The following SPOPL variants were observed in gnomAD, a reference collection of about 807,000 sequenced individuals.
The protein encoded by SPOPL is speckle type BTB/POZ protein like.
In SPOPL, 23 loss-of-function variants were observed where a neutral mutation model predicts 53.8. That is an observed-to-expected ratio of 0.43 (90% confidence interval 0.31 to 0.61). The LOEUF (loss-of-function observed/expected upper bound fraction) is 0.61, where lower values mean the gene tolerates loss of function less well. Among genes scored for constraint, SPOPL ranks in the 20% least tolerant of loss-of-function variants. The pLI is 0.12. For missense variants in SPOPL, 442 were observed against 466.9 expected, an observed-to-expected ratio of 0.95 and a Z score of 0.49; for synonymous variants, 164 against 149.7, an observed-to-expected ratio of 1.10 and a Z score of -0.70.
chr2:138,535,619 C>T (rs1573887053), intron 1 of SPOPL, among the ~76,000 whole-genome samples: 3 of 87,694 alleles, frequency 3.4e-5, no homozygotes, highest in African/African-American at 1.4e-4. Context: ...TTGTGGGTTT[C>T]TTTGCATTTA....
At chr2:138,526,322 T>C (rs925812977) in intron 1 of SPOPL, among the ~76,000 whole-genome samples, 2 of 152,158 alleles carry the variant, frequency 1.3e-5, no homozygotes, top group African/African-American at 4.8e-5. Context: ...TGTTTCCTAC[T>C]TTTCCTCTAA....
At chr2:138,533,401 T>C (rs2104875619) in intron 1 of SPOPL, among the ~76,000 whole-genome samples, 1 of 152,300 alleles carries the variant, frequency 6.6e-6, no homozygotes, top group East Asian at 1.9e-4. Context: ...TATTATCATA[T>C]TCAAAATATC....
At chr2:138,521,524 A>G (rs1270384506) in intron 1 of SPOPL, among the ~76,000 whole-genome samples, 1 of 152,170 alleles carries the variant, frequency 6.6e-6, no homozygotes, top group Non-Finnish European at 1.5e-5. Context: ...TATTGTGTAC[A>G]CAGGGGTTCA....
chr2:138,517,180 A>G (rs1684456722), intron 1 of SPOPL, among the ~76,000 whole-genome samples: 1 of 152,234 alleles, frequency 6.6e-6, no homozygotes, highest in Admixed American at 6.5e-5. Context: ...ATAATTTTTT[A>G]CATAAATAGG....
chr2:138,539,323 A>C (rs1181769265), intron 1 of SPOPL, among the ~76,000 whole-genome samples: 1 of 152,184 alleles, frequency 6.6e-6, no homozygotes, highest in African/African-American at 2.4e-5. Flanking sequence ...AGGAATCGCC[A>C]CACTGACTTC....
chr2:138,507,343 C>G (rs1558859328), intron 1 of SPOPL, among the ~76,000 whole-genome samples: 2 of 152,130 alleles, frequency 1.3e-5, no homozygotes, highest in African/African-American at 4.8e-5. Flanking sequence ...TAAATACTCA[C>G]TATTTATCAG....
At chr2:138,551,896 G>A (rs1685320651) in intron 4 of SPOPL, among the ~76,000 whole-genome samples, 1 of 151,908 alleles carries the variant, frequency 6.6e-6, no homozygotes, top group South Asian at 2.1e-4. Context: ...TTAGGCATTT[G>A]AAATATTTGC....
At chr2:138,528,389 A>G (rs1403813223) in intron 1 of SPOPL, among the ~76,000 whole-genome samples, 1 of 152,204 alleles carries the variant, frequency 6.6e-6, no homozygotes, top group Non-Finnish European at 1.5e-5. Context: ...CTACCTTTAT[A>G]TCTCTGCTAA....
In SPOPL at chr2:138,569,214, G is replaced by A; in HGVS notation, c.*134G>A. 1 of 984,784 alleles carries A rather than the reference G, an allele frequency of 1.0e-6. No individual in the cohort carries two copies. Among genetic ancestry groups the A allele is most frequent in the South Asian group, 1.8e-5 (1 of 56,808 alleles). 61.0% of individuals were successfully genotyped at this position (984,784 alleles called of 1,614,324 possible). A position where few individuals can be genotyped will look rare whatever the true frequency, so the allele number is the denominator to read the frequency against. ...AGAACAGAAGCTGAAAAAGCATATT[G>A]CTTGCATTTCAGGTGGATAATTTAT... On this transcript the variant is annotated 3_prime_UTR_variant, in exon 11 of 11. Transcript: ENST00000280098.
chr2:138,505,834 A>G (rs1331175252), intron 1 of SPOPL, among the ~76,000 whole-genome samples: 2 of 152,146 alleles, frequency 1.3e-5, no homozygotes, highest in African/African-American at 4.8e-5. Flanking sequence ...TGTGAAGAAC[A>G]AAGGCACACC....
intron 8 of SPOPL, among the ~76,000 whole-genome samples, chr2:138,561,136 T>G (rs1041805202): frequency 6.6e-6 from 1 of 152,236 alleles, no homozygotes; most frequent in South Asian, 2.1e-4. Context: ...GGAAGTGGCT[T>G]TTTTCTTGGG....
chr2:138,523,199 C>T (rs182257986), intron 1 of SPOPL, among the ~76,000 whole-genome samples: 1 of 152,132 alleles, frequency 6.6e-6, no homozygotes, highest in South Asian at 2.1e-4. Context: ...TGGCAGAAGG[C>T]ACATCTCACA....
chr2:138,514,273 A>G lies in SPOPL; in HGVS notation c.-61+12154A>G, dbSNP rs562199227. 2.6e-5 allele frequency among the ~76,000 whole-genome samples: 4 copies of G among 152,292 alleles called. No homozygotes were observed. The East Asian group carries it at 7.7e-4, about 29-fold the overall frequency. On this transcript the variant is annotated intron_variant, in intron 1 of 10. Coordinates refer to ENST00000280098, the MANE Select transcript of SPOPL (RefSeq NM_001001664.3). ...GACATCAATCAACATATGTAAAATT[A>G]ATATTGGTTTGGCCCAGAAAGGCAG...
chr2:138,525,363 A>C (rs1684648146), intron 1 of SPOPL, among the ~76,000 whole-genome samples: 1 of 152,212 alleles, frequency 6.6e-6, no homozygotes, highest in Admixed American at 6.5e-5. Flanking sequence ...GGGAGCTACA[A>C]GATGAGATTT....
At chr2:138,536,283 C>T (rs1002150942) in intron 1 of SPOPL, among the ~76,000 whole-genome samples, 2 of 151,918 alleles carry the variant, frequency 1.3e-5, no homozygotes, top group East Asian at 1.9e-4. Context: ...CCAGTGCATG[C>T]TGTTGCTTCT....
At chr2:138,538,764 A>C (rs1459875254) in intron 1 of SPOPL, among the ~76,000 whole-genome samples, 1 of 147,268 alleles carries the variant, frequency 6.8e-6, no homozygotes, top group Non-Finnish European at 1.5e-5. Flanking sequence ...TCTTTTTATT[A>C]TACTTTAAGT....
intron 8 of SPOPL, among the ~76,000 whole-genome samples, chr2:138,563,749 A>G (rs1685601308): frequency 6.6e-6 from 1 of 152,182 alleles, no homozygotes; most frequent in Non-Finnish European, 1.5e-5. Context: ...TTACACTGTG[A>G]TCCAGTGAGT....
At position 138,529,897 on chromosome 2, in the gene SPOPL, A is replaced by G. The variant is rs975272934; in HGVS notation, c.-60-20260A>G. On this transcript the variant is annotated intron_variant, in intron 1 of 10. Coordinates refer to ENST00000280098, the MANE Select transcript of SPOPL (RefSeq NM_001001664.3). ...AACTCCTGTCATGAGGGTTTGTTGT[A>G]CAGATTATTTCGTTACCCAGGTATT... is the stretch of plus-strand genomic sequence containing the variant. 6.6e-5 allele frequency among the ~76,000 whole-genome samples: 10 copies of G among 152,152 alleles called. No individual in the cohort carries two copies. The East Asian group carries it at 1.9e-3, about 29-fold the overall frequency.
Position 138,570,159 on chromosome 2 carries a change from T to C in SPOPL, c.*1079T>C, listed in dbSNP as rs913123911. On this transcript the variant is annotated 3_prime_UTR_variant, in exon 11 of 11. Transcript: ENST00000280098. ...TTTCTCACACTTTGGAAAAGACACC[T>C]GAACAATAAATGAATCCTGGATAGT... is the stretch of plus-strand genomic sequence containing the variant. 2 of 152,200 alleles carry C rather than the reference T, an allele frequency of 1.3e-5. No individual in the cohort carries two copies. The highest frequency in any genetic ancestry group is 4.8e-5 in the African/African-American group (2 of 41,452). The allele number at this position is 152,200 out of a possible 1,614,324, so 9.4% of individuals were successfully genotyped here.
Sources: allele counts gnomAD v4.1 joint callset (sites outside exome capture counted in the v4.1 genomes callset), GRCh38; gene constraint gnomAD v4.1.1; transcripts MANE v1.5; gene names NCBI Gene and HGNC (gene_info 2026-07-23, HGNC 2026-07-21).